The following DNAH8 variants were observed in gnomAD, a reference collection of about 807,000 sequenced individuals.
DNAH8 encodes dynein axonemal heavy chain 8, also known as axonemal beta dynein heavy chain 8.
A neutral mutation model predicts 562.1 loss-of-function variants in DNAH8; 382 were observed. The ratio of observed to expected loss-of-function variants is 0.68; its 90% CI spans 0.63 to 0.74. The LOEUF (loss-of-function observed/expected upper bound fraction) is 0.74. DNAH8 is among the 30% of genes least tolerant of loss of function. DNAH8 has a pLI of 0.00. For missense variants in DNAH8, 5,203 were observed against 5,620.4 expected, an observed-to-expected ratio of 0.93 and a Z score of 2.37; for synonymous variants, 1,881 against 1,919.4, an observed-to-expected ratio of 0.98 and a Z score of 0.52.
intron 92 of DNAH8, among the ~76,000 whole-genome samples, chr6:39,029,807 C>T (rs1370491218): frequency 6.6e-6 from 1 of 152,202 alleles, no homozygotes; most frequent in African/African-American, 2.4e-5. Context: ...ACTTTCACCT[C>T]CCTATAGAGG....
chr6:38,978,648 G>T (rs1763830607), intron 85 of DNAH8, among the ~76,000 whole-genome samples: 1 of 152,192 alleles, frequency 6.6e-6, no homozygotes, highest in Admixed American at 6.5e-5. Flanking sequence ...GAGTTAGACA[G>T]TTAACTCCAG....
intron 70 of DNAH8, 101 bp from the exon 71 acceptor site, chr6:38,921,268 G>A (rs886866958): frequency 8.0e-6 from 11 of 1,376,026 alleles, no homozygotes; most frequent in Non-Finnish European, 9.9e-6. Context: ...GTGCTCGAAA[G>A]TCCCGTCTAG....
At chr6:38,917,475 T>C in intron 69 of DNAH8, 69 bp downstream of exon 69, 2 of 1,259,758 alleles carry the variant, frequency 1.6e-6, no homozygotes, top group South Asian at 1.5e-5. Context: ...ACACTCAATA[T>C]AGACCAGACA....
rs964556420 is a variant in DNAH8 at position 38,850,187 on chromosome 6, G to A, written c.5200-64G>A. The A allele has an allele frequency of 1.4e-5, 21 of 1,500,282 alleles. No homozygotes were observed. The African/African-American group carries it at 2.6e-4, about 19-fold the overall frequency. 92.9% of individuals were successfully genotyped at this position (1,500,282 alleles called of 1,614,324 possible). A position where few individuals can be genotyped will look rare whatever the true frequency, so the allele number is the denominator to read the frequency against. ...GAAGAACTATAGAAAATTCCAAGGT[G>A]AAGACTTTGCTTTTTTTCAATTATC... On this transcript the variant is annotated intron_variant, in intron 37 of 92. Coordinates refer to ENST00000327475, the MANE Select transcript of DNAH8 (RefSeq NM_001206927.2).
chr6:38,812,875 C>T (rs958806741), intron 24 of DNAH8, among the ~76,000 whole-genome samples: 23 of 152,178 alleles, frequency 1.5e-4, no homozygotes, highest in Admixed American at 3.3e-4. Flanking sequence ...TAGCCTCTCC[C>T]TACCTTGGTT....
At chr6:38,978,240 T>C (rs1287069714) in intron 85 of DNAH8, among the ~76,000 whole-genome samples, 2 of 152,210 alleles carry the variant, frequency 1.3e-5, no homozygotes, top group East Asian at 3.9e-4. Flanking sequence ...AACTTGGAAA[T>C]TCTATCGTGG....
At chr6:38,945,407 A>G in intron 79 of DNAH8, 60 bp from the exon 80 acceptor site, 1 of 1,559,222 alleles carries the variant, frequency 6.4e-7, no homozygotes, top group South Asian at 1.2e-5. Context: ...TTTGAAAAGT[A>G]CATTTCTAGA....
rs1170907354 is a variant in DNAH8 at position 38,931,825 on chromosome 6, T to A, written c.11289T>A (p.Asp3763Glu). 1 of 1,575,210 alleles carries A rather than the reference T, an allele frequency of 6.3e-7. No individual in the cohort carries two copies. The highest frequency in any genetic ancestry group is 8.6e-7 in the Non-Finnish European group (1 of 1,162,694). ...AATTTATGTAGGTGAAAGTCGGTGATAAGGAATGTGATATCATGGATACAT... is the reference window on the plus strand; with the variant it reads ...AATTTATGTAGGTGAAAGTCGGTGAAAAGGAATGTGATATCATGGATACAT... ...SGTTFKVKVG[D>E]KECDIMDTFK... The change falls in exon 76 of 93, where the codon GAT (aspartate) becomes GAA (glutamate). Residue 3763 changes from aspartate to glutamate, a missense_variant. Asp to Glu is a conservative substitution (Grantham distance 45). Coordinates refer to ENST00000327475, the MANE Select transcript of DNAH8 (RefSeq NM_001206927.2).
In DNAH8 at chr6:38,861,454, A is replaced by G. The variant is rs538840088; in HGVS notation, c.6131+825A>G. Among the ~76,000 whole-genome samples, 80 of 152,332 alleles carry G rather than the reference A, an allele frequency of 5.3e-4. 1 individual carries two copies. Among genetic ancestry groups the G allele is most frequent in the South Asian group, 8.3e-4 (4 of 4,824 alleles). ...TGGATACAAAGAGATTTATTATATT[A>G]GTATTCTTTGCACTTTTCTAAATGA... On this transcript the variant is annotated intron_variant, in intron 43 of 92. Coordinates refer to ENST00000327475, the MANE Select transcript of DNAH8 (RefSeq NM_001206927.2).
rs1738248 is a variant in DNAH8 at position 38,786,848 on chromosome 6, C to T, written c.2479C>T (p.Arg827Trp). The T allele has an allele frequency of 1.9e-5, 31 of 1,612,816 alleles. No homozygotes were observed. Among genetic ancestry groups the T allele is most frequent in the South Asian group, 2.2e-5 (2 of 90,834 alleles). Residue 827 changes from arginine to tryptophan, a missense_variant, in exon 18 of 93, where the codon CGG becomes TGG. Physicochemically the swap from Arg to Trp is moderately radical, Grantham distance 101 (BLOSUM62 -3). Around this residue, in one of 6 missense-constraint regions of DNAH8, gnomAD observed 2,176 missense variants for 2,365.1 expected, o/e 0.92. Transcript: ENST00000327475. ...CGATCCCAAAATTTTGGAAGTTGTT[C>T]GGGAAACTAAGTGTATGATAAAAAT... is the stretch of plus-strand genomic sequence containing the variant. ...NFDPKILEVV[R>W]ETKCMIKMKL...
chr6:38,902,322 C>T lies in DNAH8; in HGVS notation c.9194+2416C>T, dbSNP rs552641913. Among the ~76,000 whole-genome samples, 12 of 152,212 alleles carry T rather than the reference C, an allele frequency of 7.9e-5. No homozygotes were observed. In the East Asian group the frequency reaches 1.9e-3, roughly 24 times the overall value. ...AATCCAGAGTCCTTACTCCCAACCA[C>T]CACCTCTATCTGGTGGGTGTGTGGT... is the stretch of plus-strand genomic sequence containing the variant. On this transcript the variant is annotated intron_variant, in intron 62 of 92. Coordinates refer to ENST00000327475, the MANE Select transcript of DNAH8 (RefSeq NM_001206927.2).
At chr6:39,001,313 T>C (rs1765466109) in intron 88 of DNAH8, among the ~76,000 whole-genome samples, 1 of 152,000 alleles carries the variant, frequency 6.6e-6, no homozygotes, top group Admixed American at 6.6e-5. Flanking sequence ...TGCCATCACA[T>C]AATTCAGGCT....
chr6:38,771,562 CCA>C (rs989406276), intron 12 of DNAH8, among the ~76,000 whole-genome samples: 18 of 152,164 alleles, frequency 1.2e-4, no homozygotes, highest in African/African-American at 4.1e-4. Context: ...TCTCCTCTCC[CCA>C]GTTTTAAGCA....
chr6:38,774,152 G>C (rs978323714), intron 12 of DNAH8, among the ~76,000 whole-genome samples: 1 of 152,094 alleles, frequency 6.6e-6, no homozygotes, highest in African/African-American at 2.4e-5. Flanking sequence ...TGTAAATTTT[G>C]GTGAATATTG....
chr6:38,772,025 A>ATTT (rs1266049890), intron 12 of DNAH8, among the ~76,000 whole-genome samples: 1 of 125,404 alleles, frequency 8.0e-6, no homozygotes, highest in Non-Finnish European at 1.7e-5. Flanking sequence ...GAGGTTTATG[A>ATTT]TTTCTTTTTT....
intron 10 of DNAH8, 151 bp downstream of exon 10, chr6:38,756,230 C>T: frequency 6.2e-6 from 4 of 642,044 alleles, no homozygotes; most frequent in Non-Finnish European, 8.3e-6. Flanking sequence ...GTTGACTGGA[C>T]TCAGTTGTAC....
intron 26 of DNAH8, among the ~76,000 whole-genome samples, chr6:38,820,805 C>T (rs1583095609): frequency 6.6e-6 from 1 of 152,086 alleles, no homozygotes; most frequent in Non-Finnish European, 1.5e-5. Context: ...TGACAAAATC[C>T]AATACCCTTT....
chr6:38,987,215 G>T (rs4711568), intron 87 of DNAH8, among the ~76,000 whole-genome samples: 5 of 152,088 alleles, frequency 3.3e-5, no homozygotes, highest in Non-Finnish European at 5.9e-5. Flanking sequence ...GCACACGGAG[G>T]GGGAGGAAGA....
At chr6:38,945,620 G>A in intron 80 of DNAH8, 32 bp downstream of exon 80, 3 of 1,612,636 alleles carry the variant, frequency 1.9e-6, no homozygotes, top group Non-Finnish European at 2.5e-6. Context: ...TGAAAGTGCA[G>A]ATCTGCAAAC....
Sources: gnomAD v4.1 joint callset for allele counts (sites outside exome capture counted in the v4.1 genomes callset) on GRCh38, gnomAD v4.1.1 for gene constraint, gnomAD v4.1.1 regional missense constraint, MANE v1.5 for transcripts, NCBI Gene and HGNC (gene_info 2026-07-23, HGNC 2026-07-21) for gene names.